The following PGBD2 variants were observed in gnomAD, a reference collection of about 807,000 sequenced individuals.
PGBD2 encodes piggyBac transposable element derived 2.
In PGBD2, 6 loss-of-function variants were observed where a neutral mutation model predicts 8.1. The observed-to-expected ratio is 0.74, with a 90% CI of 0.40 to 1.46. The LOEUF (loss-of-function observed/expected upper bound fraction) is 1.46, where lower values mean the gene tolerates loss of function less well. Ranked by LOEUF, PGBD2 falls within the 40% of genes most tolerant of loss-of-function variation. The pLI, the probability that PGBD2 is intolerant of heterozygous loss-of-function variation, is 0.02. For missense variants in PGBD2, 802 were observed against 739.0 expected (o/e 1.09, Z -0.99); for synonymous variants, 318 against 272.2 (o/e 1.17, Z -1.66).
At chr1:248,893,902 C>A in the PGBD2 span, among the ~76,000 whole-genome samples, 1 of 152,106 alleles carries the variant, frequency 6.6e-6, no homozygotes, top group Admixed American at 6.6e-5. Flanking sequence ...TGACAACATT[C>A]TTTTCTTTTT....
chr1:248,876,202 T>TA, the PGBD2 span, among the ~76,000 whole-genome samples: 1 of 152,112 alleles, frequency 6.6e-6, no homozygotes, highest in African/African-American at 2.4e-5. Context: ...GAGACAGGGT[T>TA]TCTCCACATT....
rs772353737 is a variant in PGBD2, at chr1:248,916,826, G to A, written c.242G>A (p.Cys81Tyr). The A allele has an allele frequency of 1.1e-5, 18 of 1,614,090 alleles. No homozygotes were observed. The highest frequency in any genetic ancestry group is 2.7e-5 in the African/African-American group (2 of 74,922). ...PGSVLHASVL[C>Y]EDSGTGEDND... Reference sequence around the variant, plus strand: ...AGTGTGCTGCATGCTTCAGTCCTGTGTGAGGACTCTGGCACCGGGGAGGAT... The same window carrying A: ...AGTGTGCTGCATGCTTCAGTCCTGTATGAGGACTCTGGCACCGGGGAGGAT... The change falls in exon 3 of 3, where the codon TGT becomes TAT. Residue 81 changes from cysteine (C) to tyrosine (Y), a missense_variant. By Grantham distance (194) the Cys-to-Tyr change is radical. Coordinates refer to ENST00000329291, the MANE Select transcript of PGBD2 (RefSeq NM_170725.3).
intron 1 of PGBD2, among the ~76,000 whole-genome samples, chr1:248,911,688 G>T (rs1328820733): frequency 6.8e-6 from 1 of 147,750 alleles, no homozygotes; most frequent in African/African-American, 2.7e-5. Context: ...CTTCCCAGTA[G>T]GGGCGGCTGG....
At chr1:248,908,855 T>C (rs1480224599) in intron 1 of PGBD2, among the ~76,000 whole-genome samples, 1 of 152,118 alleles carries the variant, frequency 6.6e-6, no homozygotes, top group Non-Finnish European at 1.5e-5. Context: ...GGGGTGCTAT[T>C]CCCTGCCTGC....
At chr1:248,874,252 T>A in the PGBD2 span, among the ~76,000 whole-genome samples, 1 of 152,174 alleles carries the variant, frequency 6.6e-6, no homozygotes, top group Non-Finnish European at 1.5e-5. Context: ...ATGTCTTCCC[T>A]GGTGGTCTAG....
downstream of PGBD2, among the ~76,000 whole-genome samples, chr1:248,924,297 A>G (rs1331388725): frequency 6.6e-6 from 1 of 152,250 alleles, no homozygotes; most frequent in African/African-American, 2.4e-5. Context: ...GGCTTCCAGC[A>G]CGTGGCGTGC....
downstream of PGBD2, among the ~76,000 whole-genome samples, chr1:248,920,675 G>C (rs1662266133): frequency 6.6e-6 from 1 of 152,100 alleles, no homozygotes; most frequent in South Asian, 2.1e-4. Flanking sequence ...GAGATTGCTG[G>C]GTCAAATGGT....
chr1:248,928,075 T>C, the PGBD2 span, among the ~76,000 whole-genome samples: 8 of 152,172 alleles, frequency 5.3e-5, no homozygotes, highest in African/African-American at 1.2e-4. Context: ...TTGTGGGTTT[T>C]TGTTGTTGTT....
the PGBD2 span, among the ~76,000 whole-genome samples, chr1:248,898,007 C>A: frequency 6.6e-6 from 1 of 151,986 alleles, no homozygotes; most frequent in South Asian, 2.1e-4. Context: ...CCGACCCATT[C>A]CTCCTCACTG....
At chr1:248,874,380 C>T in the PGBD2 span, among the ~76,000 whole-genome samples, 1 of 152,152 alleles carries the variant, frequency 6.6e-6, no homozygotes, top group Non-Finnish European at 1.5e-5. Context: ...CCAGAGTCAG[C>T]TATGACTTGA....
At chr1:248,914,560 G>C (rs999543402) in intron 2 of PGBD2, 2 of 1,289,176 alleles carry the variant, frequency 1.6e-6, no homozygotes, top group Non-Finnish European at 2.0e-6. Flanking sequence ...CCATGGGCAG[G>C]TCTGTACTGA....
downstream of PGBD2, among the ~76,000 whole-genome samples, chr1:248,922,574 TATG>T (rs1209334730): frequency 1.3e-5 from 2 of 152,220 alleles, no homozygotes; most frequent in Admixed American, 1.3e-4. Flanking sequence ...GCCCATTCAG[TATG>T]ATATTGGCTA....
the PGBD2 span, among the ~76,000 whole-genome samples, chr1:248,884,990 A>G: frequency 6.6e-6 from 1 of 152,126 alleles, no homozygotes; most frequent in South Asian, 2.1e-4. Flanking sequence ...CTTAAATTTA[A>G]AAGGAAGAGG....
downstream of PGBD2, among the ~76,000 whole-genome samples, chr1:248,921,333 G>A (rs1422367182): frequency 7.2e-5 from 11 of 152,106 alleles, no homozygotes; most frequent in Admixed American, 7.2e-4. Context: ...TGTAAGGAAG[G>A]GGTCCAGTTT....
chr1:248,874,381 T>C, the PGBD2 span, among the ~76,000 whole-genome samples: 6 of 152,208 alleles, frequency 3.9e-5, no homozygotes, highest in Non-Finnish European at 8.8e-5. Context: ...CAGAGTCAGC[T>C]ATGACTTGAC....
At chr1:248,874,953 GATAGACAA>G in the PGBD2 span, among the ~76,000 whole-genome samples, 1 of 136,180 alleles carries the variant, frequency 7.3e-6, no homozygotes, top group African/African-American at 2.8e-5. Flanking sequence ...TAGATAGATA[GATAGACAA>G]ATAGATAGAG....
rs978301871 is a variant in PGBD2 at position 248,917,799 on chromosome 1, TGAG to T, written c.1219_1221del (p.Glu407del). 5 of 1,613,540 alleles carry T rather than the reference TGAG, an allele frequency of 3.1e-6. No individual in the cohort carries two copies. Among genetic ancestry groups the T allele is most frequent in the African/African-American group, 2.7e-5 (2 of 74,682 alleles). On this transcript the variant is annotated inframe_deletion, in exon 3 of 3. Transcript: ENST00000329291. The stretch of plus-strand genomic sequence containing the variant: ...CATTTGATTACAAAGTCGATGAGAG[TGAG>T]GAGATCATCGTGTGCCGCTGGCACG...
downstream of PGBD2, among the ~76,000 whole-genome samples, chr1:248,922,146 G>A (rs1247225288): frequency 2.0e-5 from 3 of 150,590 alleles, no homozygotes; most frequent in Non-Finnish European, 3.0e-5. Flanking sequence ...TGCAAGGTCC[G>A]CCTCCCGGGT....
rs745404483 is a variant in PGBD2, at chr1:248,917,525, G to A, written c.941G>A (p.Gly314Asp). The A allele has an allele frequency of 6.2e-7, 1 of 1,614,158 alleles. No homozygotes were observed. Among genetic ancestry groups the A allele is most frequent in the Admixed American group, 1.7e-5 (1 of 60,022 alleles). ...GYLVWFEPSQ[G>D]TLFTKPDRSL... is the part of the protein sequence containing the mutation. ...TTGGTGTGGTTTGAGCCCTCACAGG[G>A]CACACTGTTTACCAAGCCAGACAGG... The change falls in exon 3 of 3, where the codon GGC becomes GAC. Residue 314 changes from glycine to aspartate, a missense_variant. Physicochemically the swap from Gly to Asp is moderately conservative, Grantham distance 94. Transcript: ENST00000329291.
Sources: gnomAD v4.1 joint callset for allele counts (sites outside exome capture counted in the v4.1 genomes callset) on GRCh38, gnomAD v4.1.1 for gene constraint, MANE v1.5 for transcripts, NCBI Gene and HGNC (gene_info 2026-07-23, HGNC 2026-07-21) for gene names.